The following SIL1 variants were observed in gnomAD, a reference collection of about 807,000 sequenced individuals.
SIL1 encodes nucleotide exchange factor SIL1.
SIL1 carries 40 observed loss-of-function variants against 49.1 expected under a neutral mutation model. The observed-to-expected ratio is 0.81, with a 90% CI of 0.63 to 1.06. SIL1 has a LOEUF of 1.06. Among genes scored for constraint, SIL1 ranks in the 50% least tolerant of loss-of-function variants. The pLI is 0.00. For missense variants in SIL1, 500 were observed against 572.6 expected, an observed-to-expected ratio of 0.87 and a Z score of 1.29; for synonymous variants, 253 against 250.8, an observed-to-expected ratio of 1.01 and a Z score of -0.08.
At chr5:139,127,361 C>T (rs1750773394) in intron 2 of SIL1, among the ~76,000 whole-genome samples, 1 of 152,194 alleles carries the variant, frequency 6.6e-6, no homozygotes, top group Admixed American at 6.5e-5. Flanking sequence ...TACTTAATGT[C>T]TCTGAGTCTT....
In SIL1 at chr5:138,947,669, G is replaced by A. The variant is rs151025547; in HGVS notation, c.1030-196C>T. Among the ~76,000 whole-genome samples, 2 of 152,236 alleles carry A rather than the reference G, an allele frequency of 1.3e-5. No homozygotes were observed. The highest frequency in any genetic ancestry group is 4.8e-5 in the African/African-American group (2 of 41,458). ...TTCATCCACCAACAGAAACACTTGTGTGGTGCCAGGTGCTGAAGAAACCAC... is the reference window on the plus strand; with the variant it reads ...TTCATCCACCAACAGAAACACTTGTATGGTGCCAGGTGCTGAAGAAACCAC... On this transcript the variant is annotated intron_variant, in intron 9 of 9. Coordinates refer to ENST00000394817, the MANE Select transcript of SIL1 (RefSeq NM_022464.5). The surrounding 1 kb of genome is among the most constrained non-coding windows in gnomAD (Gnocchi z 4.1).
chr5:139,195,567 T>G (rs1183812679), intron 1 of SIL1, among the ~76,000 whole-genome samples: 3 of 152,064 alleles, frequency 2.0e-5, no homozygotes, highest in African/African-American at 7.2e-5. Context: ...TTTTGTATTT[T>G]TAGTAGAGAC....
intron 7 of SIL1, among the ~76,000 whole-genome samples, chr5:138,976,466 C>T (rs939699054): frequency 1.3e-5 from 2 of 152,054 alleles, no homozygotes; most frequent in Non-Finnish European, 2.9e-5. Context: ...GCACGCGCCA[C>T]CATACCTGGC....
chr5:138,996,889 T>C (rs1767881563), intron 7 of SIL1, among the ~76,000 whole-genome samples: 1 of 152,168 alleles, frequency 6.6e-6, no homozygotes, highest in Admixed American at 6.5e-5. Flanking sequence ...TTTGAGGTCT[T>C]ACACACAAAA....
At chr5:139,005,607 C>T (rs1768099594) in intron 7 of SIL1, among the ~76,000 whole-genome samples, 1 of 100,104 alleles carries the variant, frequency 1.0e-5, no homozygotes, top group Admixed American at 1.1e-4. Context: ...CCCCCCTCCC[C>T]CCACCCCACC....
intron 1 of SIL1, among the ~76,000 whole-genome samples, chr5:139,195,392 GT>G (rs1752247578): frequency 6.6e-6 from 1 of 151,086 alleles, no homozygotes; most frequent in Non-Finnish European, 1.5e-5. Context: ...TTTTTGTTTT[GT>G]TTTGTTTTGT....
intron 2 of SIL1, among the ~76,000 whole-genome samples, chr5:139,123,755 T>A (rs1750701234): frequency 6.6e-6 from 1 of 152,210 alleles, no homozygotes; most frequent in South Asian, 2.1e-4. Flanking sequence ...CCCTCTTGCC[T>A]TGACTAAGGG....
chr5:139,090,889 GTGAGCCAC>G (rs1325522570), intron 3 of SIL1, among the ~76,000 whole-genome samples: 1 of 152,162 alleles, frequency 6.6e-6, no homozygotes, highest in Non-Finnish European at 1.5e-5. Context: ...TGTAACAGGA[GTGAGCCAC>G]TGCACCTGGC....
chr5:139,102,756 C>T (rs917327188), intron 3 of SIL1, among the ~76,000 whole-genome samples: 9 of 150,864 alleles, frequency 6.0e-5, no homozygotes, highest in Non-Finnish European at 1.0e-4. Context: ...CTCTTGTTGC[C>T]CAGGCTGGAG....
chr5:138,982,630 G>T (rs1293044681), intron 7 of SIL1, among the ~76,000 whole-genome samples: 1 of 152,236 alleles, frequency 6.6e-6, no homozygotes, highest in Non-Finnish European at 1.5e-5. Context: ...GGCAGGAGAG[G>T]CCAAGGGGTT....
intron 7 of SIL1, among the ~76,000 whole-genome samples, chr5:138,991,178 G>T (rs970016405): frequency 2.6e-5 from 4 of 152,258 alleles, no homozygotes; most frequent in African/African-American, 9.6e-5. Flanking sequence ...GTGTTGGCCA[G>T]ATGCTCTGGA....
intron 1 of SIL1, among the ~76,000 whole-genome samples, chr5:139,171,142 C>T (rs541561416): frequency 1.7e-4 from 26 of 152,136 alleles, no homozygotes; most frequent in African/African-American, 3.4e-4. Flanking sequence ...TCTGCCCCGC[C>T]GCCCCTACTG....
intron 1 of SIL1, among the ~76,000 whole-genome samples, chr5:139,181,808 A>C (rs1022936415): frequency 6.6e-6 from 1 of 152,194 alleles, no homozygotes; most frequent in Non-Finnish European, 1.5e-5. Flanking sequence ...AGGTAGAAAA[A>C]AGATGTGAGA....
chr5:139,162,757 G>A (rs1254682014), intron 1 of SIL1, among the ~76,000 whole-genome samples: 1 of 152,114 alleles, frequency 6.6e-6, no homozygotes, highest in East Asian at 1.9e-4. Flanking sequence ...CCTAGGACTG[G>A]GAATACAGCT....
chr5:138,956,994 C>A (rs995834015), intron 7 of SIL1, among the ~76,000 whole-genome samples: 32 of 152,166 alleles, frequency 2.1e-4, no homozygotes, highest in African/African-American at 6.7e-4. Flanking sequence ...GTACAGCCCC[C>A]AACTGGAAGC....
intron 3 of SIL1, among the ~76,000 whole-genome samples, chr5:139,052,378 T>C (rs1238464271): frequency 6.6e-6 from 1 of 152,208 alleles, no homozygotes; most frequent in Non-Finnish European, 1.5e-5. Context: ...GATCTCCCTC[T>C]AACCCCAACC....
At chr5:139,122,711 T>C (rs917185645) in intron 2 of SIL1, among the ~76,000 whole-genome samples, 1 of 152,162 alleles carries the variant, frequency 6.6e-6, no homozygotes, top group Non-Finnish European at 1.5e-5. Context: ...GTGATGCCAA[T>C]GTAGAGCCCC....
intron 3 of SIL1, among the ~76,000 whole-genome samples, chr5:139,097,310 C>G (rs915731776): frequency 6.6e-6 from 1 of 152,002 alleles, no homozygotes; most frequent in East Asian, 1.9e-4. Context: ...ATGGGCCTGG[C>G]TGGCTTTGCT....
At chr5:139,020,788 C>G (rs1768505003) in intron 7 of SIL1, among the ~76,000 whole-genome samples, 1 of 152,212 alleles carries the variant, frequency 6.6e-6, no homozygotes, top group South Asian at 2.1e-4. Flanking sequence ...TCCCTGAAAG[C>G]ACCCCCTTGG....
Sources: gnomAD v4.1 joint callset for allele counts (sites outside exome capture counted in the v4.1 genomes callset) on GRCh38, gnomAD v4.1.1 for gene constraint, Gnocchi (gnomAD v3.1) non-coding constraint, MANE v1.5 for transcripts, NCBI Gene and HGNC (gene_info 2026-07-23, HGNC 2026-07-21) for gene names.